Variants in VGLL4 observed in about 807,000 individuals in gnomAD.
The protein encoded by VGLL4 is vestigial like family member 4.
VGLL4 carries 7 observed loss-of-function variants against 21.0 expected under a neutral mutation model. The ratio of observed to expected loss-of-function variants is 0.33; its 90% CI spans 0.19 to 0.63. The LOEUF (loss-of-function observed/expected upper bound fraction) is 0.63, where lower values mean the gene tolerates loss of function less well. Ranked by LOEUF, VGLL4 falls within the 20% of genes least tolerant of loss-of-function variation. The pLI, the probability that VGLL4 is intolerant of heterozygous loss-of-function variation, is 0.78. For synonymous variants in VGLL4, 222 were observed against 173.2 expected (o/e 1.28, Z -2.21); for missense variants, 394 against 425.7 (o/e 0.93, Z 0.66).
intron 2 of VGLL4, among the ~76,000 whole-genome samples, chr3:11,691,607 G>A (rs1460073300): frequency 1.3e-5 from 2 of 152,156 alleles, no homozygotes; most frequent in Non-Finnish European, 2.9e-5. Flanking sequence ...CCCTTGGACA[G>A]GAGTTACGGG....
At chr3:11,696,297 C>G (rs746562859) in intron 2 of VGLL4, among the ~76,000 whole-genome samples, 1 of 152,230 alleles carries the variant, frequency 6.6e-6, no homozygotes, top group South Asian at 2.1e-4. Flanking sequence ...CCTCCCTATT[C>G]TAAGCCTTTA....
rs560893503 is a variant in VGLL4 at position 11,687,525 on chromosome 3, G to C, written c.64+15446C>G. Among the ~76,000 whole-genome samples the C allele has an allele frequency of 2.6e-5, 4 of 152,182 alleles. No homozygotes were observed. The South Asian group carries it at 8.3e-4, about 32-fold the overall frequency. On this transcript the variant is annotated intron_variant, in intron 2 of 5. Coordinates refer to the VGLL4 transcript ENST00000273038. ...GGCTCTTGCTATGTTACCCAGGCTG[G>C]TGTCAAACTCCTGGCTTCAAGCAAT...
intron 1 of VGLL4, among the ~76,000 whole-genome samples, chr3:11,709,024 G>A (rs546159204): frequency 9.2e-5 from 14 of 151,964 alleles, no homozygotes; most frequent in Non-Finnish European, 2.1e-4. Flanking sequence ...TTGGGAAAGT[G>A]CACTCCAGCC....
intron 2 of VGLL4, among the ~76,000 whole-genome samples, chr3:11,573,155 GA>G (rs112422227): frequency 0.013 from 2,033 of 151,212 alleles, 54 homozygotes; most frequent in African/African-American, 0.046. Context: ...GACAGGGCAA[GA>G]CTCCGTCTCA....
chr3:11,602,032 G>C lies in VGLL4; in HGVS notation c.83-10C>G. On this transcript the variant is annotated splice_polypyrimidine_tract_variant and intron_variant, in intron 1 of 4. Coordinates refer to ENST00000430365, the MANE Select transcript of VGLL4 (RefSeq NM_001128219.3). ...CTGAGAGCAGCTTCGCCTACGCAGA[G>C]AGAGATGATGTAGTCACTAAGCAGG... 1 of 1,533,820 alleles carries C rather than the reference G, an allele frequency of 6.5e-7. No homozygotes were observed. The highest frequency in any genetic ancestry group is 1.3e-5 in the South Asian group (1 of 78,878).
chr3:11,591,305 C>T (rs776018159), intron 2 of VGLL4, among the ~76,000 whole-genome samples: 1 of 152,222 alleles, frequency 6.6e-6, no homozygotes, highest in Non-Finnish European at 1.5e-5. Context: ...TCAAGGTTTT[C>T]GTCCCACTTT....
At chr3:11,583,046 G>A (rs921201256) in intron 2 of VGLL4, among the ~76,000 whole-genome samples, 1 of 152,198 alleles carries the variant, frequency 6.6e-6, no homozygotes, top group Non-Finnish European at 1.5e-5. Context: ...CCATACGCCA[G>A]CATCAAGTAG....
In VGLL4 at chr3:11,568,658, A is replaced by G. The variant is rs1178567743; in HGVS notation, c.273-3639T>C. ...AGCTTCAAGACAGACATTGTTTTCCAGGCCCCGCTCGCCCGGATGAATCAC... is the reference window on the plus strand; with the variant it reads ...AGCTTCAAGACAGACATTGTTTTCCGGGCCCCGCTCGCCCGGATGAATCAC... On this transcript the variant is annotated intron_variant, in intron 2 of 4. Transcript: ENST00000430365. The surrounding 1 kb of genome is among the most constrained non-coding windows in gnomAD (Gnocchi z 5.9). The G allele has an allele frequency of 7.0e-6, 11 of 1,562,398 alleles. No homozygotes were observed. Among genetic ancestry groups the G allele is most frequent in the Non-Finnish European group, 9.5e-6 (11 of 1,152,032 alleles).
intron 3 of VGLL4, 140 bp from the exon 4 acceptor site, chr3:11,559,595 G>A (rs555853423): frequency 3.1e-6 from 4 of 1,298,348 alleles, no homozygotes; most frequent in Admixed American, 3.3e-5. Flanking sequence ...CAATACTGGA[G>A]TCCTGTTGCT....
chr3:11,592,737 G>A (rs1266545590), intron 2 of VGLL4, among the ~76,000 whole-genome samples: 7 of 152,118 alleles, frequency 4.6e-5, no homozygotes, highest in Non-Finnish European at 1.5e-5. Flanking sequence ...CCTGGCTCTG[G>A]TACTTACCAG....
Position 11,558,640 on chromosome 3 carries a change from A to AG in VGLL4, c.806dup (p.Glu270Ter), listed in dbSNP as rs1256849063. 6.2e-7 allele frequency: 1 copy of AG among 1,611,072 alleles called. No individual in the cohort carries two copies. The highest frequency in any genetic ancestry group is 8.5e-7 in the Non-Finnish European group (1 of 1,180,018). On this transcript the variant is annotated frameshift_variant, in exon 5 of 5. Coordinates refer to ENST00000430365, the MANE Select transcript of VGLL4 (RefSeq NM_001128219.3). LOFTEE classifies it high-confidence loss of function. The stretch of plus-strand genomic sequence containing the variant: ...GCTGGCCCCTGCGAGAGGCGGACTC[A>AG]GGGCTGCTGGATGCTCCGTCCTTGG...
At chr3:11,596,608 G>A (rs2074650467) in intron 2 of VGLL4, among the ~76,000 whole-genome samples, 1 of 152,192 alleles carries the variant, frequency 6.6e-6, no homozygotes, top group South Asian at 2.1e-4. Context: ...TCTTTCCATG[G>A]AAAGGATCTA....
chr3:11,684,358 G>T (rs2076415071), intron 2 of VGLL4, among the ~76,000 whole-genome samples: 1 of 151,966 alleles, frequency 6.6e-6, no homozygotes, highest in Non-Finnish European at 1.5e-5. Context: ...AACAAATTTA[G>T]CATGAGGTAA....
intron 2 of VGLL4, among the ~76,000 whole-genome samples, chr3:11,584,809 A>G (rs902277693): frequency 6.6e-6 from 1 of 152,064 alleles, no homozygotes; most frequent in Non-Finnish European, 1.5e-5. Flanking sequence ...GAAAAAAAAA[A>G]AAAATGAGGT....
At position 11,556,794 on chromosome 3, in the gene VGLL4, C is replaced by T. The variant is rs530422684; in HGVS notation, c.*1762G>A. On this transcript the variant is annotated 3_prime_UTR_variant, in exon 5 of 5. Transcript: ENST00000430365. ...CACCCATATAGAAAAGTGTTCTCAA[C>T]GATTTTTCCTACAGAAAATATAGGG... is the stretch of plus-strand genomic sequence containing the variant. The T allele has an allele frequency of 5.4e-4, 83 of 152,856 alleles. No individual in the cohort carries two copies. The highest frequency in any genetic ancestry group is 1.7e-3 in the African/African-American group (69 of 41,544). The allele number at this position is 152,856 out of a possible 1,614,324, so 9.5% of individuals were successfully genotyped here.
At chr3:11,706,299 C>T (rs1357026885) in intron 1 of VGLL4, among the ~76,000 whole-genome samples, 1 of 152,212 alleles carries the variant, frequency 6.6e-6, no homozygotes, top group Non-Finnish European at 1.5e-5. Flanking sequence ...CACCTGCCAT[C>T]TGCTGCAACC....
At chr3:11,601,649 G>A (rs923747736) in intron 2 of VGLL4, among the ~76,000 whole-genome samples, 184 bp downstream of exon 2, 9 of 152,202 alleles carry the variant, frequency 5.9e-5, no homozygotes, top group Admixed American at 6.5e-5. Flanking sequence ...CCACCTCACC[G>A]CGAGTTATCA....
At chr3:11,573,448 C>A (rs548219479) in intron 2 of VGLL4, among the ~76,000 whole-genome samples, 8 of 152,294 alleles carry the variant, frequency 5.3e-5, no homozygotes, top group African/African-American at 1.4e-4. Flanking sequence ...GTGCTGGGGA[C>A]AGGGCTTCTG....
chr3:11,659,701 G>A (rs2076011994), intron 2 of VGLL4, among the ~76,000 whole-genome samples: 1 of 152,046 alleles, frequency 6.6e-6, no homozygotes, highest in Admixed American at 6.6e-5. Context: ...GCCCTTAAAA[G>A]AACAAGATCT....
Sources: allele counts gnomAD v4.1 joint callset (sites outside exome capture counted in the v4.1 genomes callset), GRCh38; gene constraint gnomAD v4.1.1; non-coding constraint Gnocchi (gnomAD v3.1); transcripts MANE v1.5; gene names NCBI Gene and HGNC (gene_info 2026-07-23, HGNC 2026-07-21).